ZFTRAF1: variants seen among roughly 807,000 people sequenced by gnomAD.
The protein encoded by ZFTRAF1 is zinc finger TRAF-type-containing protein 1.
At chr8:144,456,122 T>A in the ZFTRAF1 span, 7 of 151,826 alleles carry the variant, frequency 4.6e-5, no homozygotes, top group African/African-American at 1.7e-4. Flanking sequence ...ACACAGGGAG[T>A]CCCTAGAGTG....
At chr8:144,450,220 G>T in the ZFTRAF1 span, 2 of 596,388 alleles carry the variant, frequency 3.4e-6, no homozygotes, top group Admixed American at 5.6e-5. Context: ...CGGGGGCCCC[G>T]TCGCGCACGC....
At chr8:144,450,143 G>A in the ZFTRAF1 span, 56 of 516,884 alleles carry the variant, frequency 1.1e-4, no homozygotes, top group East Asian at 1.2e-3. Context: ...TCTCCTCTTC[G>A]GGTCAGCCCA....
chr8:144,456,211 C>G, the ZFTRAF1 span: 1 of 152,614 alleles, frequency 6.6e-6, no homozygotes, highest in East Asian at 1.9e-4. Context: ...CAAAGGACAT[C>G]TCTAGGTGCA....
At chr8:144,450,881 C>T in the ZFTRAF1 span, 1 of 602,676 alleles carries the variant, frequency 1.7e-6, no homozygotes, top group Non-Finnish European at 3.0e-6. Flanking sequence ...AGGAAGGCAA[C>T]TTACCCGGAC....
At chr8:144,449,916 G>A in the ZFTRAF1 span, 7 of 182,006 alleles carry the variant, frequency 3.8e-5, no homozygotes, top group Admixed American at 1.6e-4. Context: ...CCTTCCCCTC[G>A]AACAAAACAG....
the ZFTRAF1 span, chr8:144,450,778 G>A: frequency 2.9e-6 from 2 of 690,122 alleles, no homozygotes; most frequent in Middle Eastern, 2.6e-4. Flanking sequence ...CCTCTGTGGA[G>A]ACAGACAGGG....
chr8:144,461,997 G>A, the ZFTRAF1 span, among the ~76,000 whole-genome samples: 7 of 152,302 alleles, frequency 4.6e-5, no homozygotes, highest in East Asian at 5.8e-4. Flanking sequence ...AAAAAGAAGG[G>A]AGAGGTAAGC....
the ZFTRAF1 span, chr8:144,455,709 C>T: frequency 6.6e-6 from 1 of 152,286 alleles, no homozygotes; most frequent in Non-Finnish European, 1.5e-5. Context: ...GGCTGTGGCC[C>T]GACCCCCAAG....
chr8:144,457,097 C>T, the ZFTRAF1 span: 1 of 151,020 alleles, frequency 6.6e-6, no homozygotes, highest in African/African-American at 2.4e-5. Flanking sequence ...ATTGACATCA[C>T]AGAGGTGATA....
chr8:144,460,198 C>A, the ZFTRAF1 span, among the ~76,000 whole-genome samples: 1 of 152,210 alleles, frequency 6.6e-6, no homozygotes, highest in Admixed American at 6.5e-5. Context: ...CTGCTCTGTT[C>A]CCAGGGAAGT....
chr8:144,461,992 G>A, the ZFTRAF1 span, among the ~76,000 whole-genome samples: 54 of 152,300 alleles, frequency 3.5e-4, no homozygotes, highest in South Asian at 7.9e-3. Flanking sequence ...CTAGAAAAAA[G>A]AAGGGAGAGG....
At chr8:144,450,287 G>C in the ZFTRAF1 span, 2 of 651,722 alleles carry the variant, frequency 3.1e-6, no homozygotes, top group African/African-American at 1.8e-5. Context: ...AAAGTGATCA[G>C]ATAGTCCTGT....
At chr8:144,453,697 C>T in the ZFTRAF1 span, 487,081 of 510,178 alleles carry the variant, frequency 0.95, 234,312 homozygotes, top group Non-Finnish European at 1. Flanking sequence ...AGCAAGGCCT[C>T]ATCAGCTCAC....
the ZFTRAF1 span, chr8:144,452,194 G>T: frequency 2.5e-6 from 2 of 807,772 alleles, no homozygotes; most frequent in Non-Finnish European, 4.1e-6. Context: ...TCTCCGGCCT[G>T]TCTTCTCGAC....
the ZFTRAF1 span, chr8:144,462,367 GGCCGCCGCCGCCGCCGCC>G: frequency 2.1e-6 from 1 of 478,728 alleles, no homozygotes; most frequent in Non-Finnish European, 3.8e-6. Context: ...TCCCGCTGCC[GGCCGCCGCCGCCGCCGCC>G]GCCGCCTCGG....
At chr8:144,449,850 C>G in the ZFTRAF1 span, 6 of 167,656 alleles carry the variant, frequency 3.6e-5, no homozygotes, top group Non-Finnish European at 5.3e-5. Context: ...GGGGGCGGGG[C>G]AGGCTCTGAC....
At chr8:144,450,020 A>G in the ZFTRAF1 span, 1 of 274,782 alleles carries the variant, frequency 3.6e-6, no homozygotes, top group Admixed American at 4.7e-5. Flanking sequence ...CGGAACCCGC[A>G]GGGATGGAGC....
the ZFTRAF1 span, chr8:144,453,137 C>G: frequency 8.7e-6 from 11 of 1,262,698 alleles, no homozygotes; most frequent in Non-Finnish European, 1.2e-5. Context: ...GCCAGACCAC[C>G]CTGCACAGGG....
chr8:144,450,293 C>T, the ZFTRAF1 span: 11 of 658,332 alleles, frequency 1.7e-5, no homozygotes, highest in Non-Finnish European at 2.8e-6. Flanking sequence ...ATCAGATAGT[C>T]CTGTGAAGCA....
Sources: gnomAD v4.1 joint callset for allele counts (sites outside exome capture counted in the v4.1 genomes callset) on GRCh38, gnomAD v4.1.1 for gene constraint, MANE v1.5 for transcripts, NCBI Gene and HGNC (gene_info 2026-07-23, HGNC 2026-07-21) for gene names.